OLFM3: variants seen among roughly 807,000 people sequenced by gnomAD.
The protein encoded by OLFM3 is noelin-3.
Under a neutral mutation model 48.6 loss-of-function variants are expected in OLFM3, and 20 were observed. The observed-to-expected ratio is 0.41, with a 90% CI of 0.29 to 0.60. OLFM3 has a LOEUF of 0.60. Ranked by LOEUF, OLFM3 falls within the 20% of genes least tolerant of loss-of-function variation. The pLI is 0.28. For synonymous variants in OLFM3, 222 were observed against 198.1 expected (o/e 1.12, Z -1.01); for missense variants, 437 against 544.3 (o/e 0.80, Z 1.96).
chr1:101,898,304 T>C (rs978493705), intron 1 of OLFM3, among the ~76,000 whole-genome samples: 3 of 152,186 alleles, frequency 2.0e-5, no homozygotes, highest in African/African-American at 4.8e-5. Flanking sequence ...GGTTATGTAG[T>C]AAGGTTGAGC....
At position 101,855,608 on chromosome 1, in the gene OLFM3, G is replaced by T. The variant is rs562605153; in HGVS notation, c.70-18583C>A. Among the ~76,000 whole-genome samples the T allele has an allele frequency of 3.0e-4, 45 of 152,192 alleles. 1 individual carries two copies. In the South Asian group the frequency reaches 6.4e-3, roughly 22 times the overall value. ...TAAGCACAAAAATTAAAAGCAACAT[G>T]TCTTCACTTATTGAGTTTATCTTTG... On this transcript the variant is annotated intron_variant, in intron 1 of 5. Transcript: ENST00000370103.
chr1:101,982,336 G>A (rs1396067440), intron 1 of OLFM3, among the ~76,000 whole-genome samples: 1 of 152,032 alleles, frequency 6.6e-6, no homozygotes, highest in Non-Finnish European at 1.5e-5. Flanking sequence ...ATTCTTCTTA[G>A]TAATTTTTGT....
At chr1:101,887,017 T>A (rs1657789873) in intron 1 of OLFM3, among the ~76,000 whole-genome samples, 1 of 152,068 alleles carries the variant, frequency 6.6e-6, no homozygotes, top group African/African-American at 2.4e-5. Flanking sequence ...TATTTGCTAT[T>A]AGAACAATTA....
At chr1:101,920,782 A>G (rs1659071608) in intron 1 of OLFM3, among the ~76,000 whole-genome samples, 1 of 152,204 alleles carries the variant, frequency 6.6e-6, no homozygotes, top group African/African-American at 2.4e-5. Context: ...ATAGAGACCC[A>G]TTCCCACTGC....
intron 1 of OLFM3, among the ~76,000 whole-genome samples, chr1:101,972,382 A>C (rs973009442): frequency 6.6e-6 from 1 of 152,176 alleles, no homozygotes; most frequent in Admixed American, 6.5e-5. Context: ...TAGTGCATTG[A>C]TCATAATATT....
chr1:101,896,327 A>G (rs570569579), intron 1 of OLFM3, among the ~76,000 whole-genome samples: 2 of 152,230 alleles, frequency 1.3e-5, no homozygotes, highest in South Asian at 4.1e-4. Context: ...TGTGAAAGTC[A>G]TTCAGTTATT....
At chr1:101,848,051 T>C (rs575131353) in intron 1 of OLFM3, among the ~76,000 whole-genome samples, 57 of 152,328 alleles carry the variant, frequency 3.7e-4, no homozygotes, top group Non-Finnish European at 7.3e-4. Context: ...AAGTGTGGTA[T>C]ATAGAATCCA....
chr1:101,988,983 T>C (rs1021736857), intron 1 of OLFM3, among the ~76,000 whole-genome samples: 1 of 152,142 alleles, frequency 6.6e-6, no homozygotes, highest in Non-Finnish European at 1.5e-5. Context: ...ACACAGTACC[T>C]GTAGCTAAAG....
intron 1 of OLFM3, chr1:101,846,718 T>G: frequency 1.5e-6 from 1 of 653,784 alleles, no homozygotes; most frequent in Non-Finnish European, 2.8e-6. Flanking sequence ...AGTTACCACA[T>G]AGTTACTACA....
At chr1:101,897,803 CAT>C (rs1344219566) in intron 1 of OLFM3, among the ~76,000 whole-genome samples, 1 of 152,092 alleles carries the variant, frequency 6.6e-6, no homozygotes, top group Non-Finnish European at 1.5e-5. Flanking sequence ...CCAAGTAACT[CAT>C]GTGATGCAAA....
chr1:101,814,190 T>C (rs1654216087), intron 4 of OLFM3, among the ~76,000 whole-genome samples: 1 of 152,096 alleles, frequency 6.6e-6, no homozygotes, highest in African/African-American at 2.4e-5. Context: ...AAGCAAACTT[T>C]TAGGTGGTTA....
At chr1:101,964,287 G>A (rs1449695857) in intron 1 of OLFM3, among the ~76,000 whole-genome samples, 1 of 152,130 alleles carries the variant, frequency 6.6e-6, no homozygotes, top group African/African-American at 2.4e-5. Context: ...TTGCTGGAGT[G>A]TATGGTAGAA....
At chr1:101,924,486 G>C (rs973955719) in intron 1 of OLFM3, among the ~76,000 whole-genome samples, 13 of 152,104 alleles carry the variant, frequency 8.5e-5, no homozygotes, top group Admixed American at 3.3e-4. Context: ...CACTACTAAA[G>C]TTTGAATTCT....
At position 101,804,025 on chromosome 1, in the gene OLFM3, A is replaced by C. The variant is rs1653631155; in HGVS notation, c.*213T>G. ...TTTTAGTGCTTTTCATGACAAGGACATGATAGGCCTTGTAAATTTAGAAGT... is the reference window on the plus strand; with the variant it reads ...TTTTAGTGCTTTTCATGACAAGGACCTGATAGGCCTTGTAAATTTAGAAGT... On this transcript the variant is annotated 3_prime_UTR_variant, in exon 6 of 6. Coordinates refer to ENST00000370103, the MANE Select transcript of OLFM3 (RefSeq NM_058170.4). This position sits in a 1 kb window ranked among gnomAD's most constrained non-coding sequence, Gnocchi z 4.5. The C allele has an allele frequency of 5.0e-6, 2 of 399,896 alleles. No homozygotes were observed. Among genetic ancestry groups the C allele is most frequent in the Non-Finnish European group, 4.4e-6 (1 of 225,886 alleles). 24.8% of individuals were successfully genotyped at this position (399,896 alleles called of 1,614,324 possible).
intron 1 of OLFM3, among the ~76,000 whole-genome samples, chr1:101,964,570 T>C (rs962549562): frequency 8.5e-5 from 13 of 152,170 alleles, no homozygotes; most frequent in Non-Finnish European, 1.8e-4. Context: ...ATCTTCACCA[T>C]TATCAAGCAG....
chr1:101,838,582 A>G (rs545430991), intron 1 of OLFM3, among the ~76,000 whole-genome samples: 6 of 152,262 alleles, frequency 3.9e-5, no homozygotes, highest in Non-Finnish European at 7.4e-5. Context: ...GTATTAATAA[A>G]CTTGATGGTT....
intron 1 of OLFM3, chr1:101,846,794 C>A: frequency 7.4e-7 from 1 of 1,358,810 alleles, no homozygotes; most frequent in Non-Finnish European, 1.0e-6. Flanking sequence ...AAACAAAGCC[C>A]ACTAAATGCA....
At chr1:101,925,760 G>A (rs920190253) in intron 1 of OLFM3, among the ~76,000 whole-genome samples, 11 of 151,680 alleles carry the variant, frequency 7.3e-5, no homozygotes, top group African/African-American at 1.5e-4. Flanking sequence ...AAACTCCTCG[G>A]TTCAAGGCAT....
At chr1:101,816,949 T>C (rs1654363219) in intron 4 of OLFM3, among the ~76,000 whole-genome samples, 1 of 152,136 alleles carries the variant, frequency 6.6e-6, no homozygotes, top group Non-Finnish European at 1.5e-5. Flanking sequence ...TCTTGCCAAA[T>C]GAAATTAACA....
Sources: allele counts gnomAD v4.1 joint callset (sites outside exome capture counted in the v4.1 genomes callset), GRCh38; gene constraint gnomAD v4.1.1; non-coding constraint Gnocchi (gnomAD v3.1); transcripts MANE v1.5; gene names NCBI Gene and HGNC (gene_info 2026-07-23, HGNC 2026-07-21).